WDFY4: variants seen among roughly 807,000 people sequenced by gnomAD.
WDFY4 encodes the protein WD repeat- and FYVE domain-containing protein 4.
Under a neutral mutation model 351.9 loss-of-function variants are expected in WDFY4, and 169 were observed. That is an observed-to-expected ratio of 0.48 (90% confidence interval 0.42 to 0.55). WDFY4 has a LOEUF of 0.55. Ranked by LOEUF, WDFY4 falls within the 20% of genes least tolerant of loss-of-function variation. The pLI, the probability that WDFY4 is intolerant of heterozygous loss-of-function variation, is 0.00. For synonymous variants in WDFY4, 1,622 were observed against 1,574.6 expected (o/e 1.03, Z -0.71); for missense variants, 3,803 against 3,935.6 (o/e 0.97, Z 0.90).
At position 48,957,198 on chromosome 10, in the gene WDFY4, G is replaced by C; in HGVS notation, c.8047G>C (p.Glu2683Gln). Reference sequence around the variant, plus strand: ...GAGCACGTGGGAGTCGGCCTCCAGAGAGAACATGAGTGACGTCAGGGAGCT... The same window carrying C: ...GAGCACGTGGGAGTCGGCCTCCAGACAGAACATGAGTGACGTCAGGGAGCT... ...VKSTWESASR[E>Q]NMSDVRELTP... Residue 2683 changes from glutamate (E) to glutamine (Q), a missense_variant, in exon 52 of 62, where the codon GAG becomes CAG. Transcript: ENST00000325239. 1 of 1,551,664 alleles carries C rather than the reference G, an allele frequency of 6.4e-7. No individual in the cohort carries two copies. The highest frequency in any genetic ancestry group is 8.7e-7 in the Non-Finnish European group (1 of 1,146,992).
intron 51 of WDFY4, among the ~76,000 whole-genome samples, chr10:48,949,493 CA>C (rs1288336676): frequency 2.6e-5 from 4 of 152,188 alleles, no homozygotes; most frequent in Admixed American, 2.6e-4. Flanking sequence ...CTCTTCCCTC[CA>C]TCCCATCCTG....
At chr10:48,968,917 C>T (rs1337570744) in intron 55 of WDFY4, 147 bp from the exon 56 acceptor site, 11 of 785,154 alleles carry the variant, frequency 1.4e-5, no homozygotes, top group South Asian at 8.9e-5. Flanking sequence ...GCCTGTCACT[C>T]CTGCCCAGGG....
chr10:48,715,263 A>T (rs771948917), intron 2 of WDFY4, among the ~76,000 whole-genome samples: 1 of 151,738 alleles, frequency 6.6e-6, no homozygotes, highest in East Asian at 1.9e-4. Flanking sequence ...CCCTGCCCAC[A>T]TTGCAGATCC....
At chr10:48,692,868 C>T (rs1031906490) in intron 1 of WDFY4, among the ~76,000 whole-genome samples, 4 of 152,196 alleles carry the variant, frequency 2.6e-5, no homozygotes, top group Non-Finnish European at 4.4e-5. Flanking sequence ...CTGGAAGGGG[C>T]TGTCGCCTGC....
chr10:48,719,486 A>T (rs1467724892), intron 2 of WDFY4, among the ~76,000 whole-genome samples: 1 of 152,224 alleles, frequency 6.6e-6, no homozygotes, highest in Non-Finnish European at 1.5e-5. Flanking sequence ...CTGAGTTAGT[A>T]ATATGTACTA....
chr10:48,750,704 A>G (rs975174921), intron 12 of WDFY4, among the ~76,000 whole-genome samples: 2 of 152,246 alleles, frequency 1.3e-5, no homozygotes, highest in Non-Finnish European at 2.9e-5. Flanking sequence ...TGAAACCAGG[A>G]TATGTATTAA....
intron 6 of WDFY4, among the ~76,000 whole-genome samples, chr10:48,726,832 C>T (rs1037459867): frequency 1.3e-5 from 2 of 152,232 alleles, no homozygotes; most frequent in African/African-American, 4.8e-5. Context: ...GAAGAGGCTT[C>T]TCTTGATGAG....
chr10:48,974,535 C>T (rs1419618480), intron 57 of WDFY4, among the ~76,000 whole-genome samples: 2 of 5,534 alleles, frequency 3.6e-4, no homozygotes, highest in Admixed American at 2.2e-3. Flanking sequence ...AAAAACAACT[C>T]ATGACATGAA....
intron 1 of WDFY4, among the ~76,000 whole-genome samples, chr10:48,691,042 C>G: frequency 6.6e-6 from 1 of 152,168 alleles, no homozygotes; most frequent in African/African-American, 2.4e-5. Flanking sequence ...CCAAGGGATA[C>G]CTGAAGGCCA....
intron 47 of WDFY4, among the ~76,000 whole-genome samples, chr10:48,920,244 G>T (rs147755170): frequency 2.6e-5 from 4 of 151,920 alleles, no homozygotes; most frequent in African/African-American, 9.7e-5. Context: ...GCTAAAGGAC[G>T]TCCACAAAAA....
At chr10:48,887,722 T>C (rs1035097486) in intron 43 of WDFY4, among the ~76,000 whole-genome samples, 1 of 150,236 alleles carries the variant, frequency 6.7e-6, no homozygotes, top group Non-Finnish European at 1.5e-5. Context: ...GAGCTTGCAG[T>C]GAGTGGAGAT....
rs2064457794 is a variant in WDFY4 at position 48,731,463 on chromosome 10, G to T, written c.1483G>T (p.Gly495Cys). The T allele has an allele frequency of 6.4e-7, 1 of 1,551,682 alleles. No individual in the cohort carries two copies. The highest frequency in any genetic ancestry group is 2.4e-5 in the East Asian group (1 of 40,918). The change falls in exon 9 of 62, where the codon GGT (glycine) becomes TGT (cysteine). Residue 495 changes from glycine to cysteine, a missense_variant. Gly to Cys is a radical substitution (Grantham distance 159, BLOSUM62 -3). Around this residue, in one of 3 missense-constraint regions of WDFY4, gnomAD observed 261 missense variants for 330.2 expected, o/e 0.79. Coordinates refer to ENST00000325239, the MANE Select transcript of WDFY4 (RefSeq NM_001394531.1). ...MALQSILSIA[G>C]GDPLFTDIFR... Reference sequence around the variant, plus strand: ...CCTGCAGAGCATCCTCAGCATCGCTGGTGGGGACCCCCTCTTCACCGACAT... The same window carrying T: ...CCTGCAGAGCATCCTCAGCATCGCTTGTGGGGACCCCCTCTTCACCGACAT...
chr10:48,725,649 A>G (rs138310950), intron 5 of WDFY4, among the ~76,000 whole-genome samples: 1 of 152,330 alleles, frequency 6.6e-6, no homozygotes, highest in East Asian at 1.9e-4. Context: ...GGAAGGGATA[A>G]CAATTACTTG....
intron 39 of WDFY4, among the ~76,000 whole-genome samples, chr10:48,839,131 C>T (rs915454263): frequency 1.3e-5 from 2 of 152,156 alleles, no homozygotes; most frequent in African/African-American, 4.8e-5. Flanking sequence ...ATAAAAAGCT[C>T]ACGAGCCCAG....
In WDFY4 at chr10:48,721,364, C is replaced by T. The variant is rs1413649771; in HGVS notation, c.453C>T (p.Asp151=). The part of the protein sequence containing the change: ...LKSVYVLTGT[D]SETLGRVAES... The stretch of plus-strand genomic sequence containing the variant: ...CAGTGTACGTGCTCACGGGGACAGA[C>T]TCGGTAAGTTTCAGACCATCAGCCT... Residue 151 remains aspartate (D), a synonymous_variant, in exon 4 of 62, where the codon GAC becomes GAT. Transcript: ENST00000325239. The T allele has an allele frequency of 2.6e-6, 4 of 1,551,642 alleles. No homozygotes were observed. In the East Asian group the frequency reaches 7.3e-5, roughly 28 times the overall value.
chr10:48,900,276 A>G lies in WDFY4; in HGVS notation c.7493A>G (p.Tyr2498Cys). 6.4e-7 allele frequency: 1 copy of G among 1,551,738 alleles called. No homozygotes were observed. Among genetic ancestry groups the G allele is most frequent in the Non-Finnish European group, 8.7e-7 (1 of 1,146,980 alleles). ...GGATATTCCAAGTTTCTTGTCTTCT[A>G]CAACAATGATCGGAGTAAGGCCTTT... is the stretch of plus-strand genomic sequence containing the variant. ...HNGYSKFLVF[Y>C]NNDRSKAFKS... Residue 2498 changes from tyrosine (Y) to cysteine (C), a missense_variant, in exon 46 of 62, where the codon TAC becomes TGC. Physicochemically the swap from Tyr to Cys is radical, Grantham distance 194. This residue lies in a region of WDFY4 where 3,054 missense variants were observed against 3,148.6 expected (regional missense o/e 0.97). Transcript: ENST00000325239.
At chr10:48,693,501 A>G (rs1354343857) in intron 1 of WDFY4, among the ~76,000 whole-genome samples, 3 of 152,212 alleles carry the variant, frequency 2.0e-5, no homozygotes, top group African/African-American at 7.2e-5. Flanking sequence ...AATTAAGAAA[A>G]TTATTCCTGG....
chr10:48,829,059 A>G (rs2068103037), intron 37 of WDFY4, among the ~76,000 whole-genome samples, 163 bp downstream of exon 37: 4 of 152,144 alleles, frequency 2.6e-5, no homozygotes, highest in Admixed American at 2.6e-4. Flanking sequence ...AGACTTAGGA[A>G]ATCCTAGGGT....
chr10:48,928,510 C>T (rs1362854069), intron 47 of WDFY4, among the ~76,000 whole-genome samples: 1 of 152,092 alleles, frequency 6.6e-6, no homozygotes, highest in Non-Finnish European at 1.5e-5. Context: ...GACCCTGCAG[C>T]CTAGCGTCCT....
Sources: allele counts gnomAD v4.1 joint callset (sites outside exome capture counted in the v4.1 genomes callset), GRCh38; gene constraint gnomAD v4.1.1; regional missense constraint gnomAD v4.1.1; transcripts MANE v1.5; gene names NCBI Gene and HGNC (gene_info 2026-07-23, HGNC 2026-07-21).